METAP2: variants seen among roughly 807,000 people sequenced by gnomAD.
METAP2 encodes methionyl aminopeptidase 2, also known as methionine aminopeptidase 2.
METAP2 carries 25 observed loss-of-function variants against 59.4 expected under a neutral mutation model. The observed-to-expected ratio is 0.42, with a 90% CI of 0.31 to 0.59. The LOEUF (loss-of-function observed/expected upper bound fraction) is 0.59, where lower values mean the gene tolerates loss of function less well. METAP2 is among the 20% of genes least tolerant of loss of function. METAP2 has a pLI of 0.16. For synonymous variants in METAP2, 214 were observed against 194.1 expected (o/e 1.10, Z -0.85); for missense variants, 366 against 581.2 (o/e 0.63, Z 3.81).
intron 4 of METAP2, among the ~76,000 whole-genome samples, chr12:95,487,985 GCT>G (rs79067108): frequency 0.045 from 6,895 of 152,234 alleles, 212 homozygotes; most frequent in Non-Finnish European, 0.067. Context: ...TAAATAGGTA[GCT>G]GGATATGTAG....
Position 95,496,042 on chromosome 12 carries a change from C to A in METAP2, c.811C>A (p.Pro271Thr). ...IDCAFTVTFN[P>T]KYDTLLKAVK... Reference sequence around the variant, plus strand: ...CTGTGCTTTTACTGTCACTTTTAATCCCAAATATGATACGTTATTAAAAGC... The same window carrying A: ...CTGTGCTTTTACTGTCACTTTTAATACCAAATATGATACGTTATTAAAAGC... The change falls in exon 7 of 11, where the codon CCC becomes ACC. Residue 271 changes from proline to threonine, a missense_variant. Pro to Thr is a conservative substitution (Grantham distance 38). Coordinates refer to ENST00000323666, the MANE Select transcript of METAP2 (RefSeq NM_006838.4). The A allele has an allele frequency of 6.2e-7, 1 of 1,600,006 alleles. No homozygotes were observed.
intron 2 of METAP2, chr12:95,482,223 CAT>C (rs1403902245): frequency 2.3e-6 from 1 of 442,538 alleles, no homozygotes; most frequent in Admixed American, 2.5e-5. Context: ...GATCCTCCCA[CAT>C]CTCAGCTTTC....
chr12:95,499,112 A>G (rs954234590), intron 7 of METAP2, among the ~76,000 whole-genome samples: 8 of 152,046 alleles, frequency 5.3e-5, no homozygotes, highest in Admixed American at 3.3e-4. Flanking sequence ...CTTTATGTCA[A>G]TACCACATTG....
intron 2 of METAP2, among the ~76,000 whole-genome samples, chr12:95,481,274 A>G (rs888900313): frequency 6.6e-6 from 1 of 152,152 alleles, no homozygotes; most frequent in African/African-American, 2.4e-5. Flanking sequence ...AGCCAGGTAT[A>G]GTGGTGCGTG....
chr12:95,500,614 A>T (rs1594429936), intron 7 of METAP2, among the ~76,000 whole-genome samples: 5 of 152,116 alleles, frequency 3.3e-5, no homozygotes, highest in Admixed American at 3.3e-4. Flanking sequence ...GAATTTTGTC[A>T]TGCTTTTTCT....
At chr12:95,481,422 A>C in intron 2 of METAP2, among the ~76,000 whole-genome samples, 1 of 152,186 alleles carries the variant, frequency 6.6e-6, no homozygotes, top group Non-Finnish European at 1.5e-5. Context: ...GAAAAACCAA[A>C]AAAACCAACC....
At position 95,512,627 on chromosome 12, in the gene METAP2, G is replaced by A. The variant is rs146404161; in HGVS notation, c.1069-174G>A. On this transcript the variant is annotated intron_variant, in intron 9 of 10. Transcript: ENST00000323666. ...CTCGGGAGGCTGAGGCAGGAGAATC[G>A]CTTGAACCTGGAAAGTGGAGGTTGC... Among the ~76,000 whole-genome samples, 1,439 of 152,220 alleles carry A rather than the reference G, an allele frequency of 9.5e-3. 28 individuals carry two copies. Among genetic ancestry groups the A allele is most frequent in the African/African-American group, 0.033 (1,374 of 41,554 alleles).
intron 2 of METAP2, among the ~76,000 whole-genome samples, chr12:95,479,813 TG>T (rs1186188440): frequency 1.3e-5 from 2 of 152,128 alleles, no homozygotes; most frequent in Non-Finnish European, 2.9e-5. Context: ...TTCACCATGT[TG>T]GCCAGGCTGG....
chr12:95,485,315 T>C (rs2076187985), intron 3 of METAP2, among the ~76,000 whole-genome samples: 1 of 152,192 alleles, frequency 6.6e-6, no homozygotes, highest in Admixed American at 6.5e-5. Flanking sequence ...AAGTCCCTTG[T>C]CATGTAATTT....
At chr12:95,511,836 G>T (rs372495224) in intron 8 of METAP2, 59 bp from the exon 9 acceptor site, 42 of 1,188,934 alleles carry the variant, frequency 3.5e-5, no homozygotes, top group South Asian at 1.5e-4. Context: ...AAATGTAAGA[G>T]ATCTGTTTTT....
At position 95,483,248 on chromosome 12, in the gene METAP2, A is replaced by G. The variant is rs1490261817; in HGVS notation, c.293A>G (p.Lys98Arg). The change falls in exon 3 of 11, where the codon AAG (lysine) becomes AGG (arginine). Residue 98 changes from lysine to arginine, a missense_variant. This residue lies in a region of METAP2 where 177 missense variants were observed against 180.3 expected (regional missense o/e 0.98). Coordinates refer to ENST00000323666, the MANE Select transcript of METAP2 (RefSeq NM_006838.4). ...GGCGATGGAGATGGAGCAACTGGAAAGAAGAAGAAAAAGAAGAAGAAGAAG... is the reference window on the plus strand; with the variant it reads ...GGCGATGGAGATGGAGCAACTGGAAGGAAGAAGAAAAAGAAGAAGAAGAAG... The part of the protein sequence containing the change: ...GDGDGDGATG[K>R]KKKKKKKKRG... 7 of 1,612,742 alleles carry G rather than the reference A, an allele frequency of 4.3e-6. No homozygotes were observed. The Admixed American group carries it at 6.7e-5, about 15-fold the overall frequency.
intron 8 of METAP2, among the ~76,000 whole-genome samples, chr12:95,505,997 T>C (rs2076356389): frequency 6.6e-6 from 1 of 151,206 alleles, no homozygotes; most frequent in South Asian, 2.1e-4. Flanking sequence ...CTCGGGAGGC[T>C]GAGGCAGGAG....
At chr12:95,496,460 C>T (rs952270356) in intron 7 of METAP2, among the ~76,000 whole-genome samples, 2 of 152,076 alleles carry the variant, frequency 1.3e-5, no homozygotes, top group African/African-American at 4.8e-5. Context: ...ATACCCACCC[C>T]TCCCCAATTT....
intron 7 of METAP2, among the ~76,000 whole-genome samples, chr12:95,498,941 G>C (rs993091958): frequency 1.3e-5 from 2 of 151,904 alleles, no homozygotes; most frequent in Non-Finnish European, 2.9e-5. Flanking sequence ...CGTGAGCCCA[G>C]GGAGGTTGAG....
At chr12:95,499,391 TC>T (rs2076299288) in intron 7 of METAP2, among the ~76,000 whole-genome samples, 2 of 152,320 alleles carry the variant, frequency 1.3e-5, no homozygotes, top group South Asian at 4.1e-4. Flanking sequence ...TCCTCCTGCC[TC>T]AGCCTCCCAG....
At chr12:95,509,900 G>A (rs1027166287) in intron 8 of METAP2, among the ~76,000 whole-genome samples, 19 of 144,526 alleles carry the variant, frequency 1.3e-4, no homozygotes, top group Admixed American at 1.1e-3. Flanking sequence ...GTACAGTGGT[G>A]CAGTTTCATT....
At chr12:95,476,208 G>C in intron 2 of METAP2, 30 bp downstream of exon 2, 1 of 1,455,626 alleles carries the variant, frequency 6.9e-7, no homozygotes, top group Non-Finnish European at 9.5e-7. Flanking sequence ...TTTGTGGTTA[G>C]AAAAGCTAGA....
chr12:95,479,226 A>G (rs2076141777), intron 2 of METAP2, among the ~76,000 whole-genome samples: 1 of 152,220 alleles, frequency 6.6e-6, no homozygotes, highest in African/African-American at 2.4e-5. Flanking sequence ...ATGAAGATGT[A>G]AACTGATAGT....
intron 4 of METAP2, among the ~76,000 whole-genome samples, chr12:95,493,214 G>A (rs574777221): frequency 2.1e-4 from 32 of 152,126 alleles, no homozygotes; most frequent in Non-Finnish European, 1.5e-5. Context: ...GGTGGCTCAC[G>A]CCTGTAATCC....
Sources: gnomAD v4.1 joint callset for allele counts (sites outside exome capture counted in the v4.1 genomes callset) on GRCh38, gnomAD v4.1.1 for gene constraint, gnomAD v4.1.1 regional missense constraint, MANE v1.5 for transcripts, NCBI Gene and HGNC (gene_info 2026-07-23, HGNC 2026-07-21) for gene names.